The following ZNRF3 variants were observed in gnomAD, a reference collection of about 807,000 sequenced individuals.
The protein encoded by ZNRF3 is E3 ubiquitin-protein ligase ZNRF3.
A neutral mutation model predicts 72.5 loss-of-function variants in ZNRF3; 23 were observed. The ratio of observed to expected loss-of-function variants is 0.32; its 90% CI spans 0.23 to 0.45. The LOEUF (loss-of-function observed/expected upper bound fraction) is 0.45. Ranked by LOEUF, ZNRF3 falls within the 20% of genes least tolerant of loss-of-function variation. The probability of loss-of-function intolerance (pLI) is 1.00; values close to 1 mark genes in which losing one functional copy is unlikely to be tolerated. For synonymous variants in ZNRF3, 610 were observed against 545.3 expected (o/e 1.12, Z -1.65); for missense variants, 1,169 against 1,272.1 (o/e 0.92, Z 1.23).
chr22:29,053,571 T>G lies in ZNRF3; in HGVS notation c.2768-8T>G, dbSNP rs1218267348. 34 of 1,611,280 alleles carry G rather than the reference T, an allele frequency of 2.1e-5. No individual in the cohort carries two copies. In the Admixed American group the frequency reaches 5.7e-4, roughly 27 times the overall value. ...CCTCCCCTGATGATTGTTCTCTCTCTTTCCCAGGACCGAGATCTCACTCAG... is the reference window on the plus strand; with the variant it reads ...CCTCCCCTGATGATTGTTCTCTCTCGTTCCCAGGACCGAGATCTCACTCAG... On this transcript the variant is annotated splice_polypyrimidine_tract_variant and splice_region_variant and intron_variant, in intron 8 of 8. Coordinates refer to ENST00000544604, the MANE Select transcript of ZNRF3 (RefSeq NM_001206998.2).
Position 29,057,129 on chromosome 22 carries a change from G to T in ZNRF3, c.*3507G>T, listed in dbSNP as rs997718224. ...GCTGTAAAGATTTTGTAATAAAATG[G>T]TCTAAGGGCTCTTTTTCCAACATTA... On this transcript the variant is annotated 3_prime_UTR_variant, in exon 9 of 9. Coordinates refer to ENST00000544604, the MANE Select transcript of ZNRF3 (RefSeq NM_001206998.2). 6.6e-6 allele frequency: 1 copy of T among 152,160 alleles called. No individual in the cohort carries two copies. Among genetic ancestry groups the T allele is most frequent in the Non-Finnish European group, 1.5e-5 (1 of 68,034 alleles). 9.4% of individuals were successfully genotyped at this position (152,160 alleles called of 1,614,324 possible).
rs981166975 is a variant in ZNRF3, at chr22:28,985,464, C to T, written c.301-1612C>T. Among the ~76,000 whole-genome samples the T allele has an allele frequency of 2.6e-5, 4 of 152,202 alleles. No homozygotes were observed. In the East Asian group the frequency reaches 7.7e-4, roughly 29 times the overall value. ...AGGCTCAGCAGCTGCGCAAAGCCTC[C>T]CCAAACATTCTAGCAACTCTTGCTG... On this transcript the variant is annotated intron_variant, in intron 1 of 8. Transcript: ENST00000544604.
intron 2 of ZNRF3, among the ~76,000 whole-genome samples, chr22:29,022,716 TACTC>T (rs1333619628): frequency 4.6e-5 from 7 of 152,246 alleles, no homozygotes; most frequent in Non-Finnish European, 1.0e-4. Context: ...TTGTTACAGA[TACTC>T]ACTTTAAAAT....
intron 1 of ZNRF3, among the ~76,000 whole-genome samples, chr22:28,955,752 C>T (rs2035247468): frequency 6.7e-6 from 1 of 148,830 alleles, no homozygotes; most frequent in African/African-American, 2.5e-5. Context: ...GACCCTGTCT[C>T]TATTAAAAAA....
chr22:28,919,587 T>C (rs1482773352), intron 1 of ZNRF3, among the ~76,000 whole-genome samples: 2 of 151,778 alleles, frequency 1.3e-5, no homozygotes, highest in African/African-American at 2.4e-5. Flanking sequence ...TCACCCAGGC[T>C]GGAGTGCAGT....
chr22:28,930,898 C>G (rs2034694397), intron 1 of ZNRF3, among the ~76,000 whole-genome samples: 1 of 152,198 alleles, frequency 6.6e-6, no homozygotes, highest in Non-Finnish European at 1.5e-5. Context: ...AGGCACATCA[C>G]ATGGCTGGGT....
intron 2 of ZNRF3, among the ~76,000 whole-genome samples, chr22:29,032,809 C>T (rs1416552464): frequency 2.6e-5 from 4 of 152,266 alleles, no homozygotes; most frequent in Non-Finnish European, 5.9e-5. Context: ...GTCTGACACA[C>T]TGGCTGCCCT....
chr22:28,883,680 G>A lies in ZNRF3; in HGVS notation c.-87G>A, dbSNP rs1393808649. 1 of 972,052 alleles carries A rather than the reference G, an allele frequency of 1.0e-6. No individual in the cohort carries two copies. The highest frequency in any genetic ancestry group is 6.2e-5 in the Admixed American group (1 of 16,078). 60.2% of individuals were successfully genotyped at this position (972,052 alleles called of 1,614,324 possible). On this transcript the variant is annotated 5_prime_UTR_variant, in exon 1 of 9. It adds an upstream start codon to the 5' untranslated region. Transcript: ENST00000544604. This position sits in a 1 kb window ranked among gnomAD's most constrained non-coding sequence, Gnocchi z 5.5. ...CCGCCGCCGCCGCCGTGATGGGGCT[G>A]TGAGGCGTCCGCCCGCGTTCGGTCC...
chr22:29,029,918 G>T (rs1045795652), intron 2 of ZNRF3, among the ~76,000 whole-genome samples: 1 of 152,156 alleles, frequency 6.6e-6, no homozygotes, highest in Non-Finnish European at 1.5e-5. Context: ...TTAATTAGTT[G>T]CCATATGCAT....
intron 2 of ZNRF3, among the ~76,000 whole-genome samples, chr22:29,042,000 G>A (rs9613783): frequency 2.6e-5 from 4 of 152,120 alleles, no homozygotes; most frequent in African/African-American, 7.2e-5. Flanking sequence ...GTTGTTTTCA[G>A]TATTTGGGCT....
intron 1 of ZNRF3, among the ~76,000 whole-genome samples, chr22:28,897,965 T>TG (rs2034031134): frequency 6.6e-6 from 1 of 151,980 alleles, no homozygotes; most frequent in Non-Finnish European, 1.5e-5. Flanking sequence ...TTTTTTTAGG[T>TG]GGGGTCTCAC....
At chr22:28,950,089 A>C (rs1344864091) in intron 1 of ZNRF3, among the ~76,000 whole-genome samples, 1 of 152,200 alleles carries the variant, frequency 6.6e-6, no homozygotes, top group Admixed American at 6.5e-5. Flanking sequence ...AATGATCAAG[A>C]GTGCAGTTTG....
At chr22:29,023,472 C>T (rs1159923604) in intron 2 of ZNRF3, among the ~76,000 whole-genome samples, 1 of 152,212 alleles carries the variant, frequency 6.6e-6, no homozygotes, top group East Asian at 1.9e-4. Context: ...CTTTGTCCCC[C>T]AGCATGAGGA....
chr22:29,008,008 G>A (rs565400490), intron 2 of ZNRF3, among the ~76,000 whole-genome samples: 8 of 151,832 alleles, frequency 5.3e-5, no homozygotes, highest in Admixed American at 2.6e-4. Context: ...CACCCACCTC[G>A]GCCTCCCAAA....
chr22:28,894,520 T>C (rs911088276), intron 1 of ZNRF3, among the ~76,000 whole-genome samples: 3 of 152,120 alleles, frequency 2.0e-5, no homozygotes, highest in Non-Finnish European at 2.9e-5. Context: ...CAGATGGCCA[T>C]GCTCAGAGGC....
rs1214265800 is a variant in ZNRF3 at position 29,003,363 on chromosome 22, C to CA, written c.426+16169dup. 3.3e-5 allele frequency among the ~76,000 whole-genome samples: 5 copies of CA among 151,932 alleles called. No individual in the cohort carries two copies. The South Asian group carries it at 6.2e-4, about 19-fold the overall frequency. On this transcript the variant is annotated intron_variant, in intron 2 of 8. Transcript: ENST00000544604. Reference sequence around the variant, plus strand: ...AACTCCATCTCTACTTAAAAAAATACAAAAAAATTAGCCAGGCGTGGTGGC... The same window carrying CA: ...AACTCCATCTCTACTTAAAAAAATACAAAAAAAATTAGCCAGGCGTGGTGGC...
intron 1 of ZNRF3, among the ~76,000 whole-genome samples, chr22:28,898,538 A>G (rs1440100341): frequency 6.6e-6 from 1 of 151,982 alleles, no homozygotes; most frequent in Non-Finnish European, 1.5e-5. Flanking sequence ...TGTTTTATTT[A>G]AATATGTAAA....
At chr22:29,009,050 A>G (rs2036305556) in intron 2 of ZNRF3, among the ~76,000 whole-genome samples, 2 of 152,202 alleles carry the variant, frequency 1.3e-5, no homozygotes. Context: ...CAGTGCCCAC[A>G]GCACTCCGGC....
chr22:29,003,312 A>C (rs970648284), intron 2 of ZNRF3, among the ~76,000 whole-genome samples: 5 of 152,098 alleles, frequency 3.3e-5, no homozygotes, highest in South Asian at 2.1e-4. Flanking sequence ...GGCAGGAGAT[A>C]GAGACCATCC....
Sources: allele counts gnomAD v4.1 joint callset (sites outside exome capture counted in the v4.1 genomes callset), GRCh38; gene constraint gnomAD v4.1.1; non-coding constraint Gnocchi (gnomAD v3.1); transcripts MANE v1.5; gene names NCBI Gene and HGNC (gene_info 2026-07-23, HGNC 2026-07-21).